Variants in PTMA observed in about 807,000 individuals in gnomAD.
PTMA encodes the protein prothymosin alpha.
A neutral mutation model predicts 16.9 loss-of-function variants in PTMA; 4 were observed. That is an observed-to-expected ratio of 0.24 (90% CI 0.12 to 0.54). PTMA has a LOEUF of 0.54. Among genes scored for constraint, PTMA ranks in the 20% least tolerant of loss-of-function variants. The pLI is 0.95. For missense variants in PTMA, 120 were observed against 137.7 expected, an observed-to-expected ratio of 0.87 and a Z score of 0.64; for synonymous variants, 58 against 47.9, an observed-to-expected ratio of 1.21 and a Z score of -0.87.
chr2:231,708,773 C>G (rs753948771), intron 1 of PTMA, 22 bp downstream of exon 1: 7 of 1,599,392 alleles, frequency 4.4e-6, no homozygotes, highest in South Asian at 3.3e-5. Context: ...CGCCGCCCGC[C>G]CCCTCGGGGT....
At chr2:231,710,517 C>A in intron 1 of PTMA, 2 of 905,164 alleles carry the variant, frequency 2.2e-6, no homozygotes, top group Non-Finnish European at 3.1e-6. Context: ...AGAGGGCCGA[C>A]AGGTGGCCCG....
intron 1 of PTMA, chr2:231,710,490 C>T (rs1339521076): frequency 1.9e-6 from 2 of 1,035,470 alleles, no homozygotes; most frequent in South Asian, 3.4e-5. Context: ...CGGAGCGGAG[C>T]GGGGCGGGCC....
intron 2 of PTMA, 66 bp from the exon 3 acceptor site, chr2:231,711,824 C>G: frequency 1.3e-6 from 2 of 1,582,930 alleles, no homozygotes; most frequent in South Asian, 2.3e-5. Flanking sequence ...GGCCGGGCAT[C>G]AGGAGCAACG....
In PTMA at chr2:231,712,001, T is replaced by C; in HGVS notation, c.211+18T>C. 6.4e-7 allele frequency: 1 copy of C among 1,555,856 alleles called. No homozygotes were observed. Among genetic ancestry groups the C allele is most frequent in the Non-Finnish European group, 8.7e-7 (1 of 1,149,304 alleles). On this transcript the variant is annotated intron_variant, in intron 3 of 4. Transcript: ENST00000409115. The stretch of plus-strand genomic sequence containing the variant: ...AGGTGATGGTGAGTAGCCTTGTCTA[T>C]CTTCCCCTTTTCAGGTACTTTTTCC...
At position 231,710,308 on chromosome 2, in the gene PTMA, G is replaced by T. The variant is rs2048500465; in HGVS notation, c.46-1040G>T. On this transcript the variant is annotated intron_variant, in intron 1 of 4. Coordinates refer to ENST00000409115, the MANE Select transcript of PTMA (RefSeq NM_002823.5). ...CCGGCCGGGAGTCTCCAAGGCAAGG[G>T]ACGCACTCGGCGGCCCCGGGCCACG... 3.2e-6 allele frequency: 4 copies of T among 1,251,426 alleles called. No homozygotes were observed. In the South Asian group the frequency reaches 1.4e-4, roughly 44 times the overall value. The allele number at this position is 1,251,426 out of a possible 1,614,324, so 77.5% of individuals were successfully genotyped here.
Position 231,713,357 on chromosome 2 carries a change from A to G in PTMA, c.*506A>G, listed in dbSNP as rs2048545403. ...CAGTAACTTTTTTGTGTATGTACTT[A>G]GCTGTACTATAAGTAGTTGGTTTGT... On this transcript the variant is annotated 3_prime_UTR_variant, in exon 5 of 5. Coordinates refer to ENST00000409115, the MANE Select transcript of PTMA (RefSeq NM_002823.5). The G allele has an allele frequency of 2.0e-6, 1 of 512,058 alleles. No homozygotes were observed. The highest frequency in any genetic ancestry group is 2.0e-5 in the African/African-American group (1 of 50,160). 31.7% of individuals were successfully genotyped at this position (512,058 alleles called of 1,614,324 possible). A position where few individuals can be genotyped will look rare whatever the true frequency, so the allele number is the denominator to read the frequency against.
chr2:231,708,815 C>A, intron 1 of PTMA, 64 bp downstream of exon 1: 1 of 1,557,164 alleles, frequency 6.4e-7, no homozygotes, highest in Non-Finnish European at 8.7e-7. Flanking sequence ...GTGTTTGGCG[C>A]GCAGCAGCTG....
At chr2:231,711,790 T>A in intron 2 of PTMA, 100 bp from the exon 3 acceptor site, 1 of 1,552,194 alleles carries the variant, frequency 6.4e-7, no homozygotes, top group Non-Finnish European at 8.7e-7. Flanking sequence ...GGGCTGTAGA[T>A]GCAGCCGCCA....
rs1391180016 is a variant in PTMA at position 231,712,653 on chromosome 2, GGAAGGAAA to G, written c.285+138_286-143del. 54 of 1,314,216 alleles carry G rather than the reference GGAAGGAAA, an allele frequency of 4.1e-5. No homozygotes were observed. The African/African-American group carries it at 7.9e-4, about 19-fold the overall frequency. The allele number at this position is 1,314,216 out of a possible 1,614,324, so 81.4% of individuals were successfully genotyped here. On this transcript the variant is annotated intron_variant, in intron 4 of 4. Transcript: ENST00000409115. ...TGTGTGGTCCTGAATCTTAAGAACA[GGAAGGAAA>G]CAGGGCTGGGCTCAACTTCCCAGAG...
chr2:231,711,298 G>C (rs539280668), intron 1 of PTMA, 50 bp from the exon 2 acceptor site: 2 of 1,506,018 alleles, frequency 1.3e-6, no homozygotes, highest in Admixed American at 1.7e-5. Context: ...TGCTTACCCT[G>C]GGTTGCTCAG....
At chr2:231,712,419 T>TA in intron 3 of PTMA, 24 bp from the exon 4 acceptor site, 1 of 1,609,044 alleles carries the variant, frequency 6.2e-7, no homozygotes, top group African/African-American at 1.3e-5. Flanking sequence ...AAGTGTGGTT[T>TA]ACCTGGCCTT....
chr2:231,710,159 C>G (rs1444184961), intron 1 of PTMA: 55 of 1,271,394 alleles, frequency 4.3e-5, no homozygotes, highest in Non-Finnish European at 5.5e-5. Context: ...GGCGACCTCC[C>G]GTGGGACTTG....
intron 1 of PTMA, 148 bp downstream of exon 1, chr2:231,708,899 C>T (rs1427421904): frequency 6.9e-6 from 7 of 1,017,960 alleles, no homozygotes; most frequent in East Asian, 5.4e-5. Flanking sequence ...CTCAGGCAGC[C>T]CACTCTTTGT....
At chr2:231,710,825 G>T in intron 1 of PTMA, 1 of 306,220 alleles carries the variant, frequency 3.3e-6, no homozygotes, top group Non-Finnish European at 6.5e-6. Flanking sequence ...GGCTTTTTTA[G>T]ATACCTGTCC....
At chr2:231,710,219 G>A (rs1423701209) in intron 1 of PTMA, 3 of 1,343,974 alleles carry the variant, frequency 2.2e-6, no homozygotes, top group Non-Finnish European at 9.7e-7. Context: ...GCAGTGGGGC[G>A]TCGAGTCGAG....
intron 1 of PTMA, among the ~76,000 whole-genome samples, chr2:231,709,571 G>A (rs1357425670): frequency 3.9e-5 from 6 of 152,296 alleles, no homozygotes; most frequent in African/African-American, 9.6e-5. Flanking sequence ...GTGCGCCGCA[G>A]CTCGGGGCGA....
At chr2:231,710,557 T>G (rs2048504812) in intron 1 of PTMA, 5 of 599,266 alleles carry the variant, frequency 8.3e-6, no homozygotes, top group Non-Finnish European at 1.4e-5. Flanking sequence ...GGCCGAGGGG[T>G]TCCCGCAGGC....
intron 1 of PTMA, chr2:231,710,361 G>A: frequency 1.7e-6 from 2 of 1,203,262 alleles, no homozygotes; most frequent in East Asian, 3.5e-5. Flanking sequence ...GCGTGCCGAG[G>A]CCCGCGCGCA....
Position 231,711,395 on chromosome 2 carries a change from A to T in PTMA, c.93A>T (p.Arg31Ser), listed in dbSNP as rs1304409136. The change falls in exon 2 of 5, where the codon AGA becomes AGT. Residue 31 changes from arginine (R) to serine (S), a missense_variant. Physicochemically the swap from Arg to Ser is moderately radical, Grantham distance 110. Coordinates refer to ENST00000409115, the MANE Select transcript of PTMA (RefSeq NM_002823.5). ...KEVVEEAENG[R>S]DAPANGNANE... ...TTGTGGAAGAGGCAGAAAATGGAAG[A>T]GACGCCCCTGCTAACGGGAATGCTG... The T allele has an allele frequency of 6.2e-7, 1 of 1,614,180 alleles. No homozygotes were observed. The highest frequency in any genetic ancestry group is 1.1e-5 in the South Asian group (1 of 91,090).
Sources: gnomAD v4.1 joint callset for allele counts (sites outside exome capture counted in the v4.1 genomes callset) on GRCh38, gnomAD v4.1.1 for gene constraint, MANE v1.5 for transcripts, NCBI Gene and HGNC (gene_info 2026-07-23, HGNC 2026-07-21) for gene names.